Variants in MAP2K5 observed in about 807,000 individuals in gnomAD.
The protein encoded by MAP2K5 is mitogen-activated protein kinase kinase 5, also known as dual specificity mitogen-activated protein kinase kinase 5.
Under a neutral mutation model 83.1 loss-of-function variants are expected in MAP2K5, and 49 were observed. The ratio of observed to expected loss-of-function variants is 0.59; its 90% CI spans 0.47 to 0.75. The LOEUF (loss-of-function observed/expected upper bound fraction) is 0.75. Ranked by LOEUF, MAP2K5 falls within the 30% of genes least tolerant of loss-of-function variation. The pLI, the probability that MAP2K5 is intolerant of heterozygous loss-of-function variation, is 0.00. For synonymous variants in MAP2K5, 202 were observed against 191.8 expected (o/e 1.05, Z -0.44); for missense variants, 457 against 557.5 (o/e 0.82, Z 1.82).
chr15:67,746,788 A>T lies in MAP2K5; in HGVS notation c.1075-1443A>T, dbSNP rs1007901267. On this transcript the variant is annotated intron_variant, in intron 17 of 21. Transcript: ENST00000178640. The surrounding 1 kb of genome is among the most constrained non-coding windows in gnomAD (Gnocchi z 4.1). ...AAGTGATGAAAAGCCAATAAGAGCA[A>T]TGAGTGGGCGCCGTGTTCATTTGAC... Among the ~76,000 whole-genome samples, 1 of 152,210 alleles carries T rather than the reference A, an allele frequency of 6.6e-6. No individual in the cohort carries two copies. Among genetic ancestry groups the T allele is most frequent in the Non-Finnish European group, 1.5e-5 (1 of 68,034 alleles).
At chr15:67,603,332 C>G (rs1814486786) in intron 8 of MAP2K5, among the ~76,000 whole-genome samples, 2 of 152,130 alleles carry the variant, frequency 1.3e-5, no homozygotes, top group South Asian at 4.1e-4. Flanking sequence ...TCTATATGTC[C>G]TTGCCACAAG....
intron 7 of MAP2K5, among the ~76,000 whole-genome samples, chr15:67,593,279 G>A (rs530019699): frequency 1.6e-4 from 24 of 152,306 alleles, no homozygotes; most frequent in Admixed American, 7.2e-4. Context: ...GCATTCTGAG[G>A]TGACTGTTTC....
rs184560595 is a variant in MAP2K5 at position 67,652,595 on chromosome 15, A to T, written c.737-5958A>T. Among the ~76,000 whole-genome samples, 1 of 152,322 alleles carries T rather than the reference A, an allele frequency of 6.6e-6. No homozygotes were observed. Among genetic ancestry groups the T allele is most frequent in the Admixed American group, 6.5e-5 (1 of 15,292 alleles). On this transcript the variant is annotated intron_variant, in intron 11 of 21. Coordinates refer to ENST00000178640, the MANE Select transcript of MAP2K5 (RefSeq NM_145160.3). This position sits in a 1 kb window ranked among gnomAD's most constrained non-coding sequence, Gnocchi z 4.2. ...ACCCAAACACCTCTCACGAGGCCCC[A>T]TCTTCAACATTGGGAGTGAGATTTC...
rs143046602 is a variant in MAP2K5 at position 67,756,763 on chromosome 15, C to A, written c.1134+8162C>A. ...ATGAGTTCAGCTATTTTAGATTCTA[C>A]ATATTAAGTGAGATCATGCAGTTTT... On this transcript the variant is annotated intron_variant, in intron 19 of 21. Transcript: ENST00000178640. Among the ~76,000 whole-genome samples, 392 of 152,210 alleles carry A rather than the reference C, an allele frequency of 2.6e-3. 6 individuals are homozygous for A. The highest frequency in any genetic ancestry group is 0.01 in the Middle Eastern group (3 of 294).
At chr15:67,633,417 CATTT>C (rs1437497545) in intron 9 of MAP2K5, among the ~76,000 whole-genome samples, 1 of 152,190 alleles carries the variant, frequency 6.6e-6, no homozygotes, top group Non-Finnish European at 1.5e-5. Context: ...GTACATTATA[CATTT>C]TTCGTAATTT....
chr15:67,754,094 A>G (rs964971699), intron 19 of MAP2K5, among the ~76,000 whole-genome samples: 3 of 152,244 alleles, frequency 2.0e-5, no homozygotes, highest in African/African-American at 4.8e-5. Context: ...AGGGAAGTCT[A>G]TAGAGACAGG....
chr15:67,562,559 A>G lies in MAP2K5; in HGVS notation c.185-724A>G, dbSNP rs894605108. ...TGAAGTCTTGTCCTCCAGCCTTAAGACTTAAATTATTTCAAAATAGCATGA... is the reference window on the plus strand; with the variant it reads ...TGAAGTCTTGTCCTCCAGCCTTAAGGCTTAAATTATTTCAAAATAGCATGA... On this transcript the variant is annotated intron_variant, in intron 2 of 21. Transcript: ENST00000178640. The surrounding 1 kb of genome is among the most constrained non-coding windows in gnomAD (Gnocchi z 4.1). Among the ~76,000 whole-genome samples the G allele has an allele frequency of 1.3e-5, 2 of 152,148 alleles. No individual in the cohort carries two copies. Among genetic ancestry groups the G allele is most frequent in the African/African-American group, 4.8e-5 (2 of 41,422 alleles).
intron 17 of MAP2K5, among the ~76,000 whole-genome samples, chr15:67,732,294 C>G (rs1307987490): frequency 1.3e-5 from 2 of 152,038 alleles, no homozygotes; most frequent in Admixed American, 1.3e-4. Flanking sequence ...AAAAGGATTG[C>G]CTGCTAAAAA....
chr15:67,580,931 A>G (rs1382730547), intron 4 of MAP2K5, 108 bp downstream of exon 4: 1 of 755,372 alleles, frequency 1.3e-6, no homozygotes, highest in Non-Finnish European at 2.3e-6. Context: ...TTAGCTCTTA[A>G]TTCGAAAAAC....
intron 12 of MAP2K5, among the ~76,000 whole-genome samples, chr15:67,659,597 T>G (rs2087183825): frequency 6.6e-6 from 1 of 152,070 alleles, no homozygotes; most frequent in Non-Finnish European, 1.5e-5. Flanking sequence ...AGTACTTAAA[T>G]CACTATTTTA....
At chr15:67,806,597 C>A in intron 21 of MAP2K5, 49 bp from the exon 22 acceptor site, 1 of 1,480,986 alleles carries the variant, frequency 6.8e-7, no homozygotes, top group Non-Finnish European at 9.1e-7. Context: ...GTACAATGAG[C>A]GCGGGAGTCC....
chr15:67,653,287 ATT>A (rs34282083), intron 11 of MAP2K5, among the ~76,000 whole-genome samples: 558 of 138,368 alleles, frequency 4.0e-3, no homozygotes, highest in Middle Eastern at 7.5e-3. Flanking sequence ...TGTTTAAAAT[ATT>A]TTTTTTTTTT....
Position 67,550,792 on chromosome 15 carries a change from C to T in MAP2K5, c.184+710C>T, listed in dbSNP as rs552251858. On this transcript the variant is annotated intron_variant, in intron 2 of 21. Coordinates refer to ENST00000178640, the MANE Select transcript of MAP2K5 (RefSeq NM_145160.3). The stretch of plus-strand genomic sequence containing the variant: ...TTTCTTTTTTCTTTTTTTTTTTTGC[C>T]GCAGACTCTCACTGTGTTGCCCAGG... Among the ~76,000 whole-genome samples, 25 of 146,600 alleles carry T rather than the reference C, an allele frequency of 1.7e-4. No individual in the cohort carries two copies. In the South Asian group the frequency reaches 4.5e-3, roughly 27 times the overall value.
intron 16 of MAP2K5, among the ~76,000 whole-genome samples, chr15:67,714,815 G>A (rs574457044): frequency 3.7e-4 from 57 of 152,246 alleles, no homozygotes; most frequent in African/African-American, 1.3e-3. Context: ...TAGGATTTCA[G>A]GTTTTTGGAT....
intron 21 of MAP2K5, among the ~76,000 whole-genome samples, chr15:67,788,971 C>CA (rs58657384): frequency 1.8e-3 from 235 of 129,494 alleles, no homozygotes; most frequent in Non-Finnish European, 2.3e-3. Flanking sequence ...GACCCTGTCT[C>CA]AAAAAAAAAA....
At chr15:67,673,512 T>C (rs1437245861) in intron 13 of MAP2K5, among the ~76,000 whole-genome samples, 1 of 152,302 alleles carries the variant, frequency 6.6e-6, no homozygotes, top group Non-Finnish European at 1.5e-5. Flanking sequence ...GTAAAACGTT[T>C]GAATTCCTTA....
At chr15:67,576,881 TA>T (rs2085074214) in intron 3 of MAP2K5, among the ~76,000 whole-genome samples, 1 of 146,824 alleles carries the variant, frequency 6.8e-6, no homozygotes, top group African/African-American at 2.5e-5. Context: ...TCACTAATTT[TA>T]TTGCTGCAGT....
At chr15:67,635,979 T>C (rs1418709268) in intron 9 of MAP2K5, among the ~76,000 whole-genome samples, 1 of 152,214 alleles carries the variant, frequency 6.6e-6, no homozygotes, top group Non-Finnish European at 1.5e-5. Flanking sequence ...TTTTTTGTTT[T>C]TATAAATAAA....
intron 11 of MAP2K5, among the ~76,000 whole-genome samples, chr15:67,657,591 A>C (rs890339333): frequency 1.3e-5 from 2 of 151,968 alleles, no homozygotes; most frequent in Non-Finnish European, 2.9e-5. Flanking sequence ...CCGAGAGCCA[A>C]AGTGTAATGT....
Sources: gnomAD v4.1 joint callset for allele counts (sites outside exome capture counted in the v4.1 genomes callset) on GRCh38, gnomAD v4.1.1 for gene constraint, Gnocchi (gnomAD v3.1) non-coding constraint, MANE v1.5 for transcripts, NCBI Gene and HGNC (gene_info 2026-07-23, HGNC 2026-07-21) for gene names.